The following CCDC8 variants were observed in gnomAD, a reference collection of about 807,000 sequenced individuals.
The protein encoded by CCDC8 is coiled-coil domain-containing protein 8.
Under a neutral mutation model 5.2 loss-of-function variants are expected in CCDC8, and 6 were observed. That is an observed-to-expected ratio of 1.16 (90% CI 0.63 to 2.28). The LOEUF is 2.28. Among genes scored for constraint, CCDC8 ranks in the 30% most tolerant of loss-of-function variants. The pLI is 0.00. For synonymous variants in CCDC8, 310 were observed against 286.5 expected (o/e 1.08, Z -0.83); for missense variants, 724 against 712.2 (o/e 1.02, Z -0.19).
In CCDC8 at chr19:46,411,791, T is replaced by A; in HGVS notation, c.1020A>T (p.Ala340=). 1 of 1,613,074 alleles carries A rather than the reference T, an allele frequency of 6.2e-7. No individual in the cohort carries two copies. The change falls in exon 1 of 1, where the codon GCA becomes GCT. Residue 340 remains alanine (A), a synonymous_variant. Coordinates refer to ENST00000307522, the MANE Select transcript of CCDC8 (RefSeq NM_032040.5). ...EAADNQREEA[A]DNQRAGAPAE... ...CTGGGGCCCCTGCCCTCTGATTATC[T>A]GCAGCCTCTTCCCTCTGATTATCTG...
rs754679051 is a variant in CCDC8, at chr19:46,412,361, C to T, written c.450G>A (p.Glu150=). 1.2e-6 allele frequency: 2 copies of T among 1,613,702 alleles called. No individual in the cohort carries two copies. The highest frequency in any genetic ancestry group is 3.3e-5 in the Admixed American group (2 of 60,036). ...GCCGGAGGAAGGCCTCGACCAGTTC[C>T]TCATCATCCTCACTCTCCAGGTCGC... ...LGSDLESEDD[E]ELVEAFLRRQ... The change falls in exon 1 of 1, where the codon GAG becomes GAA. Residue 150 remains glutamate (E), a synonymous_variant. Coordinates refer to ENST00000307522, the MANE Select transcript of CCDC8 (RefSeq NM_032040.5). This position sits in a 1 kb window ranked among gnomAD's most constrained non-coding sequence, Gnocchi z 4.7.
Position 46,412,076 on chromosome 19 carries a change from C to T in CCDC8, c.735G>A (p.Pro245=), listed in dbSNP as rs765419501. The T allele has an allele frequency of 3.8e-6, 6 of 1,599,752 alleles. No homozygotes were observed. Among genetic ancestry groups the T allele is most frequent in the Non-Finnish European group, 5.1e-6 (6 of 1,179,962 alleles). ...GVSSAPEGTS[P]GDRLGNAGDV... Reference sequence around the variant, plus strand: ...CTCCCGCGTTTCCCAAGCGATCCCCCGGGCTGGTGCCCTCTGGCGCCGATG... The same window carrying T: ...CTCCCGCGTTTCCCAAGCGATCCCCTGGGCTGGTGCCCTCTGGCGCCGATG... The change falls in exon 1 of 1, where the codon CCG becomes CCA. Residue 245 remains proline, a synonymous_variant. Transcript: ENST00000307522. This position sits in a 1 kb window ranked among gnomAD's most constrained non-coding sequence, Gnocchi z 4.7.
chr19:46,410,953 T>C lies in CCDC8; in HGVS notation c.*241A>G, dbSNP rs138786309. ...AGGAGGATCACTTGAGGCCAGAAGTTTGAGGCTGCAGTGAGTTATGATCAT... is the reference window on the plus strand; with the variant it reads ...AGGAGGATCACTTGAGGCCAGAAGTCTGAGGCTGCAGTGAGTTATGATCAT... On this transcript the variant is annotated 3_prime_UTR_variant, in exon 1 of 1. Transcript: ENST00000307522. 297 of 511,116 alleles carry C rather than the reference T, an allele frequency of 5.8e-4. 3 individuals are homozygous for C. The East Asian group carries it at 7.4e-3, about 13-fold the overall frequency. The allele number at this position is 511,116 out of a possible 1,614,324, so 31.7% of individuals were successfully genotyped here.
chr19:46,410,996 T>C lies in CCDC8; in HGVS notation c.*198A>G. ...ATGATCATGCCACTGCACTCCAGCC[T>C]GGGCAACAGAGTGAGACCCTGTCTC... On this transcript the variant is annotated 3_prime_UTR_variant, in exon 1 of 1. Coordinates refer to ENST00000307522, the MANE Select transcript of CCDC8 (RefSeq NM_032040.5). 1 of 636,684 alleles carries C rather than the reference T, an allele frequency of 1.6e-6. No homozygotes were observed. 39.4% of individuals were successfully genotyped at this position (636,684 alleles called of 1,614,324 possible). A position where few individuals can be genotyped will look rare whatever the true frequency, so the allele number is the denominator to read the frequency against.
In CCDC8 at chr19:46,412,137, C is replaced by A. The variant is rs1973240337; in HGVS notation, c.674G>T (p.Arg225Leu). 1 of 1,598,532 alleles carries A rather than the reference C, an allele frequency of 6.3e-7. No homozygotes were observed. Among genetic ancestry groups the A allele is most frequent in the East Asian group, 2.2e-5 (1 of 44,850 alleles). The stretch of plus-strand genomic sequence containing the variant: ...GCTCTCCACTGCGGTGGAGGCCAGC[C>A]GGGCCTCGCCCACCCCGGGGCCCGC... ...PRAGPGVGEA[R>L]LASTAVESAG... Residue 225 changes from arginine to leucine, a missense_variant, in exon 1 of 1, where the codon CGG becomes CTG. Coordinates refer to ENST00000307522, the MANE Select transcript of CCDC8 (RefSeq NM_032040.5). The surrounding 1 kb of genome is among the most constrained non-coding windows in gnomAD (Gnocchi z 4.7).
rs948518433 is a variant in CCDC8, at chr19:46,411,574, G to A, written c.1237C>T (p.His413Tyr). The change falls in exon 1 of 1, where the codon CAT (histidine) becomes TAT (tyrosine). Residue 413 changes from histidine (H) to tyrosine (Y), a missense_variant. His to Tyr is a moderately conservative substitution (Grantham distance 83). Transcript: ENST00000307522. ...GCTGGGGCCCTTTCCCTCTGGTCAT[G>A]TACGGCCTCTTCCCTTTGATTATCT... Reference protein sequence around the residue: ...VTDNQREEAVHDQRERAPAVQ... With the variant: ...VTDNQREEAVYDQRERAPAVQ... The A allele has an allele frequency of 2.5e-6, 4 of 1,612,834 alleles. No homozygotes were observed.
Position 46,411,694 on chromosome 19 carries a change from C to T in CCDC8, c.1117G>A (p.Ala373Thr). 6.3e-7 allele frequency: 1 copy of T among 1,586,874 alleles called. No homozygotes were observed. Among genetic ancestry groups the T allele is most frequent in the South Asian group, 1.2e-5 (1 of 86,840 alleles). Residue 373 changes from alanine (A) to threonine (T), a missense_variant, in exon 1 of 1, where the codon GCT (alanine) becomes ACT (threonine). Coordinates refer to ENST00000307522, the MANE Select transcript of CCDC8 (RefSeq NM_032040.5). Reference protein sequence around the residue: ...AADNQRAEAPADQRSQGTDNH... With the variant: ...AADNQRAEAPTDQRSQGTDNH... ...TCTGTGCCCTGTGACCTCTGGTCAG[C>T]TGGGGCCTCTGCCCTCTGATTATCT...
chr19:46,412,279 G>A lies in CCDC8; in HGVS notation c.532C>T (p.Pro178Ser). 1 of 1,606,354 alleles carries A rather than the reference G, an allele frequency of 6.2e-7. No homozygotes were observed. The highest frequency in any genetic ancestry group is 8.5e-7 in the Non-Finnish European group (1 of 1,179,912). Reference protein sequence around the residue: ...PARRRVNLPVPMFEDNLGPQL... With the variant: ...PARRRVNLPVSMFEDNLGPQL... The stretch of plus-strand genomic sequence containing the variant: ...GGCCCCAGGTTGTCCTCAAACATGG[G>A]CACTGGCAGGTTGACGCGGCGGCGG... The change falls in exon 1 of 1, where the codon CCC (proline) becomes TCC (serine). Residue 178 changes from proline to serine, a missense_variant. Pro to Ser is a moderately conservative substitution (Grantham distance 74). Transcript: ENST00000307522. This position sits in a 1 kb window ranked among gnomAD's most constrained non-coding sequence, Gnocchi z 4.7.
chr19:46,412,215 C>G lies in CCDC8; in HGVS notation c.596G>C (p.Ser199Thr). The change falls in exon 1 of 1, where the codon AGC (serine) becomes ACC (threonine). Residue 199 changes from serine to threonine, a missense_variant. Transcript: ENST00000307522. The surrounding 1 kb of genome is among the most constrained non-coding windows in gnomAD (Gnocchi z 4.7). Reference sequence around the variant, plus strand: ...CTTCAGCTTCCCCCAGGACACCTGGCTGACATACTCCCGCCACCTGTCCGC... The same window carrying G: ...CTTCAGCTTCCCCCAGGACACCTGGGTGACATACTCCCGCCACCTGTCCGC... ...SKADRWREYV[S>T]QVSWGKLKRR... The G allele has an allele frequency of 6.3e-7, 1 of 1,599,774 alleles. No individual in the cohort carries two copies. The highest frequency in any genetic ancestry group is 8.5e-7 in the Non-Finnish European group (1 of 1,179,780).
At position 46,412,770 on chromosome 19, in the gene CCDC8, G is replaced by C; in HGVS notation, c.41C>G (p.Pro14Arg). ...IGEDVDYLLI[P>R]REVRLAGGVW... The stretch of plus-strand genomic sequence containing the variant: ...GCCCCCAGCCAGCCTGACCTCCCGG[G>C]GGATGAGCAAATAGTCGACGTCCTC... Residue 14 changes from proline (P) to arginine (R), a missense_variant, in exon 1 of 1, where the codon CCC becomes CGC. By Grantham distance (103) the Pro-to-Arg change is moderately radical. Transcript: ENST00000307522. This position sits in a 1 kb window ranked among gnomAD's most constrained non-coding sequence, Gnocchi z 4.7. 6.2e-7 allele frequency: 1 copy of C among 1,614,046 alleles called. No homozygotes were observed.
chr19:46,412,689 A>G lies in CCDC8; in HGVS notation c.122T>C (p.Leu41Pro). ...ATKEAEFRER[L>P]TQFLEEEGRT... is the part of the protein sequence containing the mutation. Reference sequence around the variant, plus strand: ...GCCCTCTTCTTCCAGGAACTGGGTCAGCCGCTCCCGAAATTCTGCTTCCTT... The same window carrying G: ...GCCCTCTTCTTCCAGGAACTGGGTCGGCCGCTCCCGAAATTCTGCTTCCTT... The change falls in exon 1 of 1, where the codon CTG becomes CCG. Residue 41 changes from leucine to proline, a missense_variant. Coordinates refer to ENST00000307522, the MANE Select transcript of CCDC8 (RefSeq NM_032040.5). This position sits in a 1 kb window ranked among gnomAD's most constrained non-coding sequence, Gnocchi z 4.7. 1 of 1,612,082 alleles carries G rather than the reference A, an allele frequency of 6.2e-7. No homozygotes were observed. Among genetic ancestry groups the G allele is most frequent in the Non-Finnish European group, 8.5e-7 (1 of 1,179,876 alleles).
rs1973253851 is a variant in CCDC8, at chr19:46,413,025, A to G, written c.-215T>C. 1.6e-6 allele frequency: 1 copy of G among 636,954 alleles called. No individual in the cohort carries two copies. The highest frequency in any genetic ancestry group is 1.9e-5 in the South Asian group (1 of 52,040). The allele number at this position is 636,954 out of a possible 1,614,324, so 39.5% of individuals were successfully genotyped here. On this transcript the variant is annotated 5_prime_UTR_variant, in exon 1 of 1. Coordinates refer to ENST00000307522, the MANE Select transcript of CCDC8 (RefSeq NM_032040.5). ...GAGAGTCTTTAAGATCTCCAGGGTG[A>G]TATCTGGGGTGAGGGGGCAATGAGC...
At position 46,412,878 on chromosome 19, in the gene CCDC8, A is replaced by T; in HGVS notation, c.-68T>A. 6.3e-7 allele frequency: 1 copy of T among 1,589,404 alleles called. No individual in the cohort carries two copies. Among genetic ancestry groups the T allele is most frequent in the Non-Finnish European group, 8.6e-7 (1 of 1,165,808 alleles). ...CTTCTTAAATGTCCCCACGGGCTTT[A>T]GGGCTTCCACGAGGACGTCCAAATC... On this transcript the variant is annotated 5_prime_UTR_variant, in exon 1 of 1. The change abolishes the stop of an existing upstream ORF in the 5' untranslated region. Transcript: ENST00000307522. This position sits in a 1 kb window ranked among gnomAD's most constrained non-coding sequence, Gnocchi z 4.7.
In CCDC8 at chr19:46,413,089, A is replaced by G. The variant is rs1268506706; in HGVS notation, c.-279T>C. ...TGTAGCCCTTAGTCTTGAGGGAGGG[A>G]CTGGATGGGGGGAGTTCCAGCAACG... On this transcript the variant is annotated 5_prime_UTR_variant, in exon 1 of 1. Coordinates refer to ENST00000307522, the MANE Select transcript of CCDC8 (RefSeq NM_032040.5). The G allele has an allele frequency of 1.9e-6, 1 of 531,540 alleles. No homozygotes were observed. The highest frequency in any genetic ancestry group is 1.9e-5 in the African/African-American group (1 of 52,138). 32.9% of individuals were successfully genotyped at this position (531,540 alleles called of 1,614,324 possible). A position where few individuals can be genotyped will look rare whatever the true frequency, so the allele number is the denominator to read the frequency against.
rs1367680840 is a variant in CCDC8 at position 46,411,405 on chromosome 19, G to C, written c.1406C>G (p.Ala469Gly). ...TGTCTTGACCTGTTTCCGGGCCCTG[G>C]CTCCTGGAGCTGTTCCTGTGGTCCC... ...AQGTTGTAPG[A>G]RARKQVKTVR... Residue 469 changes from alanine to glycine, a missense_variant, in exon 1 of 1, where the codon GCC becomes GGC. Physicochemically the swap from Ala to Gly is moderately conservative, Grantham distance 60. Transcript: ENST00000307522. 1 of 1,614,234 alleles carries C rather than the reference G, an allele frequency of 6.2e-7. No individual in the cohort carries two copies. The highest frequency in any genetic ancestry group is 2.2e-5 in the East Asian group (1 of 44,884).
Position 46,411,925 on chromosome 19 carries a change from CCT to C in CCDC8, c.884_885del (p.Gln295ArgfsTer7), listed in dbSNP as rs1568589427. The stretch of plus-strand genomic sequence containing the variant: ...CTTTGACTATCTGCAGCCTCTCCCC[CCT>C]GATCAGCCTCGATGTCTGCCCCCTG... ...TGQGADIEAD[Q>X]GGEAADSQRE... On this transcript the variant is annotated frameshift_variant, in exon 1 of 1. Transcript: ENST00000307522. LOFTEE classifies it low-confidence loss of function (END_TRUNC). 6.2e-7 allele frequency: 1 copy of C among 1,612,010 alleles called. No homozygotes were observed. The highest frequency in any genetic ancestry group is 2.2e-5 in the East Asian group (1 of 44,870).
chr19:46,411,782 C>T lies in CCDC8; in HGVS notation c.1029G>A (p.Gln343=), dbSNP rs1973232324. The T allele has an allele frequency of 6.2e-7, 1 of 1,612,944 alleles. No individual in the cohort carries two copies. The part of the protein sequence containing the change: ...DNQREEAADN[Q]RAGAPAEEGA... ...CCTCCTCAGCTGGGGCCCCTGCCCT[C>T]TGATTATCTGCAGCCTCTTCCCTCT... Residue 343 remains glutamine, a synonymous_variant, in exon 1 of 1, where the codon CAG becomes CAA. Transcript: ENST00000307522.
Position 46,411,492 on chromosome 19 carries a change from GCCTCTGC to G in CCDC8, c.1312_1318del (p.Ala438LeufsTer39). 6.2e-7 allele frequency: 1 copy of G among 1,614,128 alleles called. No individual in the cohort carries two copies. Among genetic ancestry groups the G allele is most frequent in the Non-Finnish European group, 8.5e-7 (1 of 1,180,012 alleles). On this transcript the variant is annotated frameshift_variant, in exon 1 of 1. Transcript: ENST00000307522. LOFTEE classifies it low-confidence loss of function (END_TRUNC). ...GGCCCCTGCCCTCTGATTATGTGCA[GCCTCTGC>G]CCTCTGGCCAGCCCGGGCCTGTGCC... is the stretch of plus-strand genomic sequence containing the variant.
chr19:46,411,604 C>A lies in CCDC8; in HGVS notation c.1207G>T (p.Val403Phe). 6.2e-7 allele frequency: 1 copy of A among 1,613,848 alleles called. No individual in the cohort carries two copies. The highest frequency in any genetic ancestry group is 8.5e-7 in the Non-Finnish European group (1 of 1,179,982). ...GCCTCTTCCCTTTGATTATCTGTAACCTCTGACCCCTGGTCAGCTGGGGCC... is the reference window on the plus strand; with the variant it reads ...GCCTCTTCCCTTTGATTATCTGTAAACTCTGACCCCTGGTCAGCTGGGGCC... ...AEAPADQGSE[V>F]TDNQREEAVH... Residue 403 changes from valine to phenylalanine, a missense_variant, in exon 1 of 1, where the codon GTT (valine) becomes TTT (phenylalanine). Physicochemically the swap from Val to Phe is conservative, Grantham distance 50 (BLOSUM62 -1). Transcript: ENST00000307522.
Sources: gnomAD v4.1 joint callset for allele counts on GRCh38, gnomAD v4.1.1 for gene constraint, Gnocchi (gnomAD v3.1) non-coding constraint, MANE v1.5 for transcripts, NCBI Gene and HGNC (gene_info 2026-07-23, HGNC 2026-07-21) for gene names.